Variants in SMCHD1 observed in about 807,000 individuals in gnomAD.
The protein encoded by SMCHD1 is structural maintenance of chromosomes flexible hinge domain containing 1.
A neutral mutation model predicts 254.7 loss-of-function variants in SMCHD1; 78 were observed. The observed-to-expected ratio is 0.31, with a 90% CI of 0.26 to 0.37. The LOEUF is 0.37. SMCHD1 is among the 10% of genes least tolerant of loss of function. SMCHD1 has a pLI of 1.00. For missense variants in SMCHD1, 1,840 were observed against 2,408.1 expected (o/e 0.76, Z 4.94); for synonymous variants, 766 against 794.9 (o/e 0.96, Z 0.61).
At chr18:2,697,740 A>G (rs1255433167) in intron 9 of SMCHD1, 91 bp from the exon 10 acceptor site, 4 of 820,996 alleles carry the variant, frequency 4.9e-6, no homozygotes, top group South Asian at 1.7e-5. Flanking sequence ...AAATAAACAT[A>G]ATTTTTACTT....
intron 12 of SMCHD1, among the ~76,000 whole-genome samples, chr18:2,703,347 C>T (rs1030945280): frequency 2.6e-5 from 4 of 152,134 alleles, no homozygotes; most frequent in African/African-American, 9.7e-5. Flanking sequence ...AAGGCCTCCA[C>T]TCATCCCTTT....
At chr18:2,708,051 T>G in intron 17 of SMCHD1, 131 bp downstream of exon 17, 1 of 514,514 alleles carries the variant, frequency 1.9e-6, no homozygotes, top group Non-Finnish European at 3.3e-6. Flanking sequence ...GTTAGGAATT[T>G]CAGGAATGTT....
chr18:2,743,655 A>C, intron 28 of SMCHD1, 106 bp from the exon 29 acceptor site: 3 of 667,662 alleles, frequency 4.5e-6, no homozygotes, highest in Non-Finnish European at 6.8e-6. Flanking sequence ...CATGTTACCA[A>C]GAAACACATC....
intron 31 of SMCHD1, 29 bp from the exon 32 acceptor site, chr18:2,750,321 T>C: frequency 6.3e-7 from 1 of 1,578,924 alleles, no homozygotes; most frequent in South Asian, 1.2e-5. Flanking sequence ...TAATGTAATT[T>C]GAACCCCTCT....
intron 15 of SMCHD1, 198 bp downstream of exon 15, chr18:2,706,668 C>G (rs1181483572): frequency 2.5e-6 from 1 of 403,236 alleles, no homozygotes; most frequent in Non-Finnish European, 4.5e-6. Flanking sequence ...GTTTTGTAGA[C>G]AAAGAAGGAA....
intron 42 of SMCHD1, among the ~76,000 whole-genome samples, chr18:2,776,958 C>A (rs371896074): frequency 6.6e-6 from 1 of 152,054 alleles, no homozygotes; most frequent in African/African-American, 2.4e-5. Flanking sequence ...AGTGGCTACT[C>A]ACAGGCACAG....
chr18:2,706,513 G>A, intron 15 of SMCHD1, 43 bp downstream of exon 15: 2 of 1,345,390 alleles, frequency 1.5e-6, no homozygotes, highest in Non-Finnish European at 2.1e-6. Context: ...AAGAAAAATT[G>A]GAAAGAATTG....
rs58683258 is a variant in SMCHD1, at chr18:2,718,186, G to A, written c.2289G>A (p.Ser763=). Reference sequence around the variant, plus strand: ...CAAGTGGAAATAAAGAGATTATTTCGCATATTAGTCAACATGGAGGAAAAT... The same window carrying A: ...CAAGTGGAAATAAAGAGATTATTTCACATATTAGTCAACATGGAGGAAAAT... The part of the protein sequence containing the change: ...HSSSGNKEII[S]HISQHGGKWP... Residue 763 remains serine (S), a synonymous_variant, in exon 18 of 48, where the codon TCG becomes TCA. Transcript: ENST00000320876. The surrounding 1 kb of genome is among the most constrained non-coding windows in gnomAD (Gnocchi z 4.6). The A allele has an allele frequency of 4.2e-5, 67 of 1,611,590 alleles. No individual in the cohort carries two copies. Among genetic ancestry groups the A allele is most frequent in the South Asian group, 3.1e-4 (28 of 90,824 alleles).
intron 5 of SMCHD1, among the ~76,000 whole-genome samples, chr18:2,678,086 A>G (rs2073797728): frequency 2.0e-5 from 3 of 152,196 alleles, no homozygotes; most frequent in Admixed American, 2.0e-4. Flanking sequence ...TCATTTTCGT[A>G]TAAATGTGAT....
Position 2,718,591 on chromosome 18 carries a change from T to G in SMCHD1, c.2458+157T>G, listed in dbSNP as rs1156960473. ...CTTACTTTGAGATGGGGTCTCATTC[T>G]GTCACCCAGGCTGGAGTGCAGTGGC... On this transcript the variant is annotated intron_variant, in intron 19 of 47. Transcript: ENST00000320876. The surrounding 1 kb of genome is among the most constrained non-coding windows in gnomAD (Gnocchi z 4.6). Among the ~76,000 whole-genome samples, 2 of 152,222 alleles carry G rather than the reference T, an allele frequency of 1.3e-5. No homozygotes were observed. Among genetic ancestry groups the G allele is most frequent in the Non-Finnish European group, 2.9e-5 (2 of 68,040 alleles).
In SMCHD1 at chr18:2,758,073, T is replaced by TAG. The variant is rs537124535; in HGVS notation, c.4347-2578_4347-2577insGA. The stretch of plus-strand genomic sequence containing the variant: ...ATATAGATAGATAGATAGATAGATA[T>TAG]ATTCTTTTAAGTGTATCTTTTGTAA... On this transcript the variant is annotated intron_variant, in intron 34 of 47. Coordinates refer to ENST00000320876, the MANE Select transcript of SMCHD1 (RefSeq NM_015295.3). Among the ~76,000 whole-genome samples, 157 of 151,894 alleles carry TAG rather than the reference T, an allele frequency of 1.0e-3. 1 individual carries two copies. Among genetic ancestry groups the TAG allele is most frequent in the South Asian group, 6.4e-3 (31 of 4,812 alleles).
At chr18:2,713,163 A>C (rs557238044) in intron 17 of SMCHD1, among the ~76,000 whole-genome samples, 1 of 152,344 alleles carries the variant, frequency 6.6e-6, no homozygotes, top group African/African-American at 2.4e-5. Context: ...GCAGTCCAGT[A>C]GTTTGCCAGT....
chr18:2,666,399 A>T (rs2073439640), intron 2 of SMCHD1, among the ~76,000 whole-genome samples, 167 bp downstream of exon 2: 1 of 152,246 alleles, frequency 6.6e-6, no homozygotes, highest in Admixed American at 6.5e-5. Context: ...CACAGAGGTT[A>T]TATTTTTCAA....
At chr18:2,760,804 C>A in intron 35 of SMCHD1, 65 bp downstream of exon 35, 2 of 862,634 alleles carry the variant, frequency 2.3e-6, no homozygotes, top group South Asian at 1.6e-5. Context: ...CCTCTTGGTT[C>A]TGCATTACAT....
In SMCHD1 at chr18:2,718,919, A is replaced by G. The variant is rs2143373768; in HGVS notation, c.2458+485A>G. On this transcript the variant is annotated intron_variant, in intron 19 of 47. Coordinates refer to ENST00000320876, the MANE Select transcript of SMCHD1 (RefSeq NM_015295.3). This position sits in a 1 kb window ranked among gnomAD's most constrained non-coding sequence, Gnocchi z 4.6. ...CATATTCCTTCTGAATTTTGAAGAC[A>G]TTGTTTTCTACTTTTCATTGTTGCT... 6.6e-6 allele frequency among the ~76,000 whole-genome samples: 1 copy of G among 152,144 alleles called. No individual in the cohort carries two copies. Among genetic ancestry groups the G allele is most frequent in the South Asian group, 2.1e-4 (1 of 4,824 alleles).
chr18:2,694,152 G>A (rs1422032161), intron 7 of SMCHD1, among the ~76,000 whole-genome samples: 2 of 152,180 alleles, frequency 1.3e-5, no homozygotes, highest in Non-Finnish European at 2.9e-5. Flanking sequence ...CATTGGTCCT[G>A]ACCAAGTTAA....
chr18:2,713,899 CT>C (rs1255511833), intron 17 of SMCHD1, among the ~76,000 whole-genome samples: 2 of 152,112 alleles, frequency 1.3e-5, no homozygotes, highest in African/African-American at 4.8e-5. Context: ...AATGTATGGC[CT>C]TTCTTCAAGA....
intron 3 of SMCHD1, 45 bp from the exon 4 acceptor site, chr18:2,673,236 A>T: frequency 3.3e-6 from 5 of 1,536,378 alleles, no homozygotes; most frequent in East Asian, 2.3e-5. Flanking sequence ...TATATAAAGT[A>T]TGTGGGAGGG....
In SMCHD1 at chr18:2,784,371, G is replaced by A. The variant is rs1040697309; in HGVS notation, c.5548-79G>A. On this transcript the variant is annotated intron_variant, in intron 44 of 47. Coordinates refer to ENST00000320876, the MANE Select transcript of SMCHD1 (RefSeq NM_015295.3). ...TGTGATCCTGTCATTTCTAATCTCAGAAACTTTAAATTATTTCTCCTTTTT... is the reference window on the plus strand; with the variant it reads ...TGTGATCCTGTCATTTCTAATCTCAAAAACTTTAAATTATTTCTCCTTTTT... The A allele has an allele frequency of 6.4e-6, 8 of 1,243,340 alleles. No homozygotes were observed. In the African/African-American group the frequency reaches 1.3e-4, roughly 19 times the overall value. 77.0% of individuals were successfully genotyped at this position (1,243,340 alleles called of 1,614,324 possible).
Sources: gnomAD v4.1 joint callset for allele counts (sites outside exome capture counted in the v4.1 genomes callset) on GRCh38, gnomAD v4.1.1 for gene constraint, Gnocchi (gnomAD v3.1) non-coding constraint, MANE v1.5 for transcripts, NCBI Gene and HGNC (gene_info 2026-07-23, HGNC 2026-07-21) for gene names.